The following SORCS2 variants were observed in gnomAD, a reference collection of about 807,000 sequenced individuals.
SORCS2 encodes the protein VPS10 domain-containing receptor SorCS2.
Under a neutral mutation model 141.6 loss-of-function variants are expected in SORCS2, and 100 were observed. That is an observed-to-expected ratio of 0.71 (90% CI 0.60 to 0.83). SORCS2 has a LOEUF of 0.83. SORCS2 is among the 40% of genes least tolerant of loss of function. The pLI is 0.00. For synonymous variants in SORCS2, 789 were observed against 676.9 expected, an observed-to-expected ratio of 1.17 and a Z score of -2.57; for missense variants, 1,646 against 1,560.2, an observed-to-expected ratio of 1.05 and a Z score of -0.93.
At chr4:7,679,981 A>G (rs1723413585) in intron 9 of SORCS2, among the ~76,000 whole-genome samples, 1 of 152,182 alleles carries the variant, frequency 6.6e-6, no homozygotes, top group African/African-American at 2.4e-5. Context: ...TGGGAAAATC[A>G]TCCTTCTACC....
chr4:7,360,571 CTTTTTTTT>C lies in SORCS2; in HGVS notation c.481-35699_481-35692del, dbSNP rs753548897. 6.5e-4 allele frequency among the ~76,000 whole-genome samples: 32 copies of C among 49,284 alleles called. 1 individual carries two copies. Among genetic ancestry groups the C allele is most frequent in the Admixed American group, 5.8e-3 (15 of 2,566 alleles). 32.3% of individuals were successfully genotyped at this position (49,284 alleles called of 152,430 possible). A position where few individuals can be genotyped will look rare whatever the true frequency, so the allele number is the denominator to read the frequency against. ...TCCCTAAATACCCTCCCAGTCCCTTCTTTTTTTTTTTTTTTTTTTTTTTTTGAGACAGG... is the reference window on the plus strand; with the variant it reads ...TCCCTAAATACCCTCCCAGTCCCTTCTTTTTTTTTTTTTTTTTGAGACAGG... On this transcript the variant is annotated intron_variant, in intron 1 of 26. Transcript: ENST00000507866.
chr4:7,333,438 G>C (rs887314155), intron 1 of SORCS2, among the ~76,000 whole-genome samples: 17 of 152,232 alleles, frequency 1.1e-4, no homozygotes, highest in African/African-American at 3.6e-4. Flanking sequence ...CTTCTGCTCT[G>C]TTGTGGGGGT....
At chr4:7,734,219 G>C in intron 24 of SORCS2, 53 bp from the exon 25 acceptor site, 1 of 1,381,548 alleles carries the variant, frequency 7.2e-7, no homozygotes, top group South Asian at 1.3e-5. Context: ...CTGGGGATGG[G>C]ACAGGGATGG....
chr4:7,292,262 TC>T (rs1716661630), intron 1 of SORCS2, among the ~76,000 whole-genome samples: 1 of 151,060 alleles, frequency 6.6e-6, no homozygotes, highest in Non-Finnish European at 1.5e-5. Flanking sequence ...GCATTCACGG[TC>T]CGTTCACCAA....
intron 3 of SORCS2, among the ~76,000 whole-genome samples, chr4:7,584,914 A>G (rs560750437): frequency 6.6e-6 from 1 of 152,304 alleles, no homozygotes; most frequent in East Asian, 1.9e-4. Flanking sequence ...GGGGGATGTC[A>G]AAATAAAGCA....
At chr4:7,213,934 C>A (rs148675108) in intron 1 of SORCS2, among the ~76,000 whole-genome samples, 89 of 152,318 alleles carry the variant, frequency 5.8e-4, no homozygotes, top group African/African-American at 2.0e-3. Flanking sequence ...CATGTCCCTG[C>A]CCCAGAGCTG....
intron 1 of SORCS2, among the ~76,000 whole-genome samples, chr4:7,367,999 G>A (rs73796655): frequency 0.03 from 4,619 of 152,296 alleles, 223 homozygotes; most frequent in African/African-American, 0.1. Flanking sequence ...AGTCCTCAGC[G>A]CTGGGCTTCA....
At chr4:7,578,291 A>G (rs746811827) in intron 3 of SORCS2, among the ~76,000 whole-genome samples, 31 of 152,218 alleles carry the variant, frequency 2.0e-4, no homozygotes, top group Non-Finnish European at 3.5e-4. Flanking sequence ...CACCATAATC[A>G]TGAGCCAAAT....
intron 1 of SORCS2, among the ~76,000 whole-genome samples, chr4:7,349,274 C>G (rs1720807621): frequency 6.6e-6 from 1 of 152,188 alleles, no homozygotes; most frequent in Non-Finnish European, 1.5e-5. Flanking sequence ...GCAGAAGGCC[C>G]CTCTGCCCCA....
In SORCS2 at chr4:7,648,592, G is replaced by A. The variant is rs531270084; in HGVS notation, c.814-5542G>A. 8.5e-5 allele frequency among the ~76,000 whole-genome samples: 13 copies of A among 152,196 alleles called. 1 individual carries two copies. In the South Asian group the frequency reaches 1.5e-3, roughly 17 times the overall value. ...CTCCTTTCTAGATGAGGATGGGGGC[G>A]CAGAGCAGATGACGAGGGATGGGTT... On this transcript the variant is annotated intron_variant, in intron 4 of 26. Coordinates refer to ENST00000507866, the MANE Select transcript of SORCS2 (RefSeq NM_020777.3). The surrounding 1 kb of genome is among the most constrained non-coding windows in gnomAD (Gnocchi z 4.2).
chr4:7,326,512 C>A (rs1056867731), intron 1 of SORCS2, among the ~76,000 whole-genome samples: 1 of 152,202 alleles, frequency 6.6e-6, no homozygotes, highest in African/African-American at 2.4e-5. Context: ...GGCATGGGAA[C>A]CTTGCCGAGG....
intron 1 of SORCS2, among the ~76,000 whole-genome samples, chr4:7,378,424 T>C (rs866470744): frequency 6.6e-6 from 1 of 152,074 alleles, no homozygotes; most frequent in African/African-American, 2.4e-5. Context: ...TCAGGAAACT[T>C]ATAATCATGG....
chr4:7,551,104 T>C (rs1713665871), intron 3 of SORCS2, among the ~76,000 whole-genome samples: 1 of 152,222 alleles, frequency 6.6e-6, no homozygotes, highest in Non-Finnish European at 1.5e-5. Context: ...AGCCCATTGA[T>C]TGCTTGCCAT....
chr4:7,646,176 C>T (rs781034388), intron 4 of SORCS2, among the ~76,000 whole-genome samples: 1 of 152,216 alleles, frequency 6.6e-6, no homozygotes, highest in Non-Finnish European at 1.5e-5. Flanking sequence ...TCCCAGGACG[C>T]AAGGAAGTCA....
intron 3 of SORCS2, among the ~76,000 whole-genome samples, chr4:7,584,565 A>T (rs1215042617): frequency 2.0e-5 from 3 of 152,194 alleles, no homozygotes; most frequent in Non-Finnish European, 1.5e-5. Context: ...AATAGGGACA[A>T]AGGTTTTTCT....
At chr4:7,738,102 G>A (rs554147249) in intron 26 of SORCS2, among the ~76,000 whole-genome samples, 1 of 152,366 alleles carries the variant, frequency 6.6e-6, no homozygotes, top group Admixed American at 6.5e-5. Flanking sequence ...TTTGAGGGGA[G>A]GGGACACGGA....
At chr4:7,313,343 A>T (rs1040893683) in intron 1 of SORCS2, among the ~76,000 whole-genome samples, 1 of 152,254 alleles carries the variant, frequency 6.6e-6, no homozygotes, top group Non-Finnish European at 1.5e-5. Flanking sequence ...GACACACAGC[A>T]GGGAAGGCGC....
chr4:7,218,645 G>A (rs184173594), intron 1 of SORCS2, among the ~76,000 whole-genome samples: 666 of 152,324 alleles, frequency 4.4e-3, no homozygotes, highest in Admixed American at 0.011. Flanking sequence ...TGCCTTTTCT[G>A]CATTTAACTA....
chr4:7,277,243 G>A (rs1302292194), intron 1 of SORCS2, among the ~76,000 whole-genome samples: 1 of 152,208 alleles, frequency 6.6e-6, no homozygotes, highest in Non-Finnish European at 1.5e-5. Flanking sequence ...GGTGAAGGCA[G>A]AGGAAAGAAG....
Sources: allele counts gnomAD v4.1 joint callset (sites outside exome capture counted in the v4.1 genomes callset), GRCh38; gene constraint gnomAD v4.1.1; non-coding constraint Gnocchi (gnomAD v3.1); transcripts MANE v1.5; gene names NCBI Gene and HGNC (gene_info 2026-07-23, HGNC 2026-07-21).